The following CIZ1 variants were observed in gnomAD, a reference collection of about 807,000 sequenced individuals.
CIZ1 encodes cip1-interacting zinc finger protein.
A neutral mutation model predicts 118.6 loss-of-function variants in CIZ1; 58 were observed. That is an observed-to-expected ratio of 0.49 (90% CI 0.40 to 0.61). The LOEUF is 0.61. Ranked by LOEUF, CIZ1 falls within the 20% of genes least tolerant of loss-of-function variation. The probability of loss-of-function intolerance (pLI) is 0.00; values close to 1 mark genes in which losing one functional copy is unlikely to be tolerated. For synonymous variants in CIZ1, 448 were observed against 443.4 expected (o/e 1.01, Z -0.13); for missense variants, 921 against 1,115.9 (o/e 0.83, Z 2.49).
chr9:128,186,235 G>A (rs1363433340), intron 4 of CIZ1, among the ~76,000 whole-genome samples: 3 of 152,092 alleles, frequency 2.0e-5, no homozygotes, highest in South Asian at 4.2e-4. Context: ...CAGTCCCTCG[G>A]CCCAGCAGGT....
intron 5 of CIZ1, among the ~76,000 whole-genome samples, chr9:128,182,914 G>A (rs998412196): frequency 1.3e-5 from 2 of 151,906 alleles, no homozygotes. Context: ...ATGAGTCATT[G>A]CACCCGGCCT....
chr9:128,192,007 C>A (rs896052125), upstream of CIZ1: 4 of 1,093,084 alleles, frequency 3.7e-6, no homozygotes, highest in Non-Finnish European at 4.8e-6. Context: ...AGTTTGCCCA[C>A]GGAGGGGTGG....
At chr9:128,187,966 A>G (rs749472523) in intron 3 of CIZ1, 32 bp from the exon 4 acceptor site, 1 of 719,964 alleles carries the variant, frequency 1.4e-6, no homozygotes. Flanking sequence ...ATACTTATCA[A>G]GAGCCATAAA....
intron 5 of CIZ1, among the ~76,000 whole-genome samples, chr9:128,181,861 C>T (rs1047346163): frequency 6.6e-6 from 1 of 152,128 alleles, no homozygotes; most frequent in Non-Finnish European, 1.5e-5. Context: ...CAGGCTTGCC[C>T]GCAGTTATCA....
chr9:128,169,304 C>T, intron 13 of CIZ1, 102 bp downstream of exon 13: 3 of 1,389,528 alleles, frequency 2.2e-6, no homozygotes, highest in East Asian at 2.3e-5. Flanking sequence ...CCCTCCAGAC[C>T]CGCTGTGAGT....
chr9:128,200,836 C>CAAAT (rs58614828), intron 1 of CIZ1, among the ~76,000 whole-genome samples: 5,111 of 149,178 alleles, frequency 0.034, 286 homozygotes, highest in African/African-American at 0.11. Flanking sequence ...GACTACGTCT[C>CAAAT]AAATAAATAA....
chr9:128,173,937 C>T (rs45550636), intron 11 of CIZ1, among the ~76,000 whole-genome samples: 16,244 of 151,678 alleles, frequency 0.11, 1,545 homozygotes, highest in East Asian at 0.42. Flanking sequence ...ACCCAGGAGG[C>T]GGAGCTTGCA....
intron 11 of CIZ1, among the ~76,000 whole-genome samples, chr9:128,173,363 T>TC (rs1830396099): frequency 6.6e-6 from 1 of 151,888 alleles, no homozygotes; most frequent in Non-Finnish European, 1.5e-5. Context: ...GCCATGATGG[T>TC]CTCGATCTCC....
Position 128,177,599 on chromosome 9 carries a change from G to A in CIZ1, c.1785C>T (p.Cys595=). 7.2e-7 allele frequency: 1 copy of A among 1,393,734 alleles called. No homozygotes were observed. The highest frequency in any genetic ancestry group is 9.6e-7 in the Non-Finnish European group (1 of 1,043,462). 86.3% of individuals were successfully genotyped at this position (1,393,734 alleles called of 1,614,324 possible). The stretch of plus-strand genomic sequence containing the variant: ...TGGAGCAGCTGGCCTTGCAGATGTA[G>A]CAGAAGAACTGGAGGGCCTGCTTAG... ...TPSKQALQFF[C]YICKASCSSQ... Residue 595 remains cysteine, a synonymous_variant, in exon 10 of 17, where the codon TGC becomes TGT. Coordinates refer to ENST00000372938, the MANE Select transcript of CIZ1 (RefSeq NM_001131016.2).
chr9:128,190,978 A>AC (rs1449044792), intron 1 of CIZ1, 116 bp from the exon 2 acceptor site: 18 of 1,364,916 alleles, frequency 1.3e-5, no homozygotes, highest in Non-Finnish European at 1.6e-5. Context: ...GAGGAGCTTC[A>AC]CAGCTGCATT....
intron 1 of CIZ1, chr9:128,197,818 T>C (rs1250415196): frequency 6.6e-6 from 1 of 152,266 alleles, no homozygotes; most frequent in Admixed American, 6.5e-5. Context: ...TTCCAGGCAC[T>C]GTTGGATGCT....
At position 128,178,417 on chromosome 9, in the gene CIZ1, A is replaced by C; in HGVS notation, c.1572T>G (p.Cys524Trp). 1 of 1,614,066 alleles carries C rather than the reference A, an allele frequency of 6.2e-7. No homozygotes were observed. The highest frequency in any genetic ancestry group is 8.5e-7 in the Non-Finnish European group (1 of 1,179,992). Residue 524 changes from cysteine (C) to tryptophan (W), a missense_variant, in exon 9 of 17, where the codon TGT (cysteine) becomes TGG (tryptophan). Transcript: ENST00000372938. ...TTTCACATTCTCCCACATCTAGGCC[A>C]CAGGCCGACTCATTCTGAATCTCTT... ...SMEEIQNESACGLDVGECENR... is the reference protein window; with the variant it reads ...SMEEIQNESAWGLDVGECENR...
intron 9 of CIZ1, 117 bp downstream of exon 9, chr9:128,178,252 C>T (rs1047410830): frequency 2.4e-6 from 3 of 1,268,158 alleles, no homozygotes; most frequent in Non-Finnish European, 3.3e-6. Flanking sequence ...GGCTGTCATC[C>T]CATTTCACGG....
At chr9:128,174,849 G>A (rs1230674626) in intron 11 of CIZ1, among the ~76,000 whole-genome samples, 1 of 152,114 alleles carries the variant, frequency 6.6e-6, no homozygotes, top group African/African-American at 2.4e-5. Context: ...GTACAGAGGG[G>A]GTTTCACCAT....
chr9:128,194,362 CAAAAAA>C (rs757286334), upstream of CIZ1, among the ~76,000 whole-genome samples: 9 of 74,188 alleles, frequency 1.2e-4, no homozygotes, highest in Admixed American at 3.4e-4. Context: ...AACTCCATCT[CAAAAAA>C]AAAAAAAAAA....
intron 7 of CIZ1, 150 bp downstream of exon 7, chr9:128,180,265 G>A (rs1397920553): frequency 1.6e-6 from 1 of 621,940 alleles, no homozygotes; most frequent in African/African-American, 1.8e-5. Flanking sequence ...GCGGAAATAA[G>A]TAAGGCCTTC....
rs1242891944 is a variant in CIZ1 at position 128,166,402 on chromosome 9, T to C, written c.2492A>G (p.Tyr831Cys). The change falls in exon 17 of 17, where the codon TAC (tyrosine) becomes TGC (cysteine). Residue 831 changes from tyrosine (Y) to cysteine (C), a missense_variant. Physicochemically the swap from Tyr to Cys is radical, Grantham distance 194. Transcript: ENST00000372938. This position sits in a 1 kb window ranked among gnomAD's most constrained non-coding sequence, Gnocchi z 4.4. ...SLGHFENLQKYKAAKNPSPTT... is the reference protein window; with the variant it reads ...SLGHFENLQKCKAAKNPSPTT... The stretch of plus-strand genomic sequence containing the variant: ...GGGGCTGGGGTTCTTGGCCGCCTTG[T>C]ATTTCTGGATACAGAAGGTGCAGGT... 1.3e-6 allele frequency: 2 copies of C among 1,530,260 alleles called. No individual in the cohort carries two copies. 94.8% of individuals were successfully genotyped at this position (1,530,260 alleles called of 1,614,324 possible). A position where few individuals can be genotyped will look rare whatever the true frequency, so the allele number is the denominator to read the frequency against.
chr9:128,191,679 G>GGGGGCGGCTGC (rs1833176284), upstream of CIZ1: 14 of 1,286,750 alleles, frequency 1.1e-5, no homozygotes, highest in Non-Finnish European at 1.3e-5. The surrounding 1 kb of genome is among the most constrained non-coding windows in gnomAD (Gnocchi z 5.5). Flanking sequence ...AGTCACGCTG[G>GGGGGCGGCTGC]GGGGCGGCTG....
chr9:128,183,956 C>T (rs746457504), intron 5 of CIZ1, among the ~76,000 whole-genome samples: 5 of 152,074 alleles, frequency 3.3e-5, no homozygotes, highest in East Asian at 1.9e-4. Flanking sequence ...TTAGTAGAGA[C>T]GGGGTTTCAC....
Sources: gnomAD v4.1 joint callset for allele counts (sites outside exome capture counted in the v4.1 genomes callset) on GRCh38, gnomAD v4.1.1 for gene constraint, Gnocchi (gnomAD v3.1) non-coding constraint, MANE v1.5 for transcripts, NCBI Gene and HGNC (gene_info 2026-07-23, HGNC 2026-07-21) for gene names.